Variants in LIG1 observed in about 807,000 individuals in gnomAD.
LIG1 encodes the protein ligase I, DNA, ATP-dependent.
In LIG1, 70 loss-of-function variants were observed where a neutral mutation model predicts 115.7. The ratio of observed to expected loss-of-function variants is 0.60; its 90% confidence interval spans 0.50 to 0.74. The LOEUF is 0.74. Among genes scored for constraint, LIG1 ranks in the 30% least tolerant of loss-of-function variants. The probability of loss-of-function intolerance (pLI) is 0.00; values close to 1 mark genes in which losing one functional copy is unlikely to be tolerated. For missense variants in LIG1, 1,115 were observed against 1,225.6 expected, an observed-to-expected ratio of 0.91 and a Z score of 1.35; for synonymous variants, 487 against 495.3, an observed-to-expected ratio of 0.98 and a Z score of 0.22.
At chr19:48,134,568 G>T (rs544505423) in intron 16 of LIG1, among the ~76,000 whole-genome samples, 1 of 152,376 alleles carries the variant, frequency 6.6e-6, no homozygotes, top group East Asian at 1.9e-4. Flanking sequence ...TGAGGCAGGA[G>T]AATCACTTGA....
At chr19:48,116,009 C>T (rs745577016) in intron 26 of LIG1, 44 bp from the exon 27 acceptor site, 2 of 1,466,200 alleles carry the variant, frequency 1.4e-6, no homozygotes, top group South Asian at 2.3e-5. Flanking sequence ...GCCCCAGCGA[C>T]CCCCTGCTCA....
At chr19:48,149,726 T>G in intron 9 of LIG1, 37 bp downstream of exon 9, 11 of 1,556,578 alleles carry the variant, frequency 7.1e-6, no homozygotes, top group Non-Finnish European at 9.8e-6. Flanking sequence ...AGGGAACACA[T>G]CCCGAAGAAC....
intron 4 of LIG1, among the ~76,000 whole-genome samples, chr19:48,160,844 T>C (rs2036130422): frequency 6.6e-6 from 1 of 152,042 alleles, no homozygotes; most frequent in Non-Finnish European, 1.5e-5. Context: ...GCGATCCTCC[T>C]GCCTCAGCCT....
intron 4 of LIG1, among the ~76,000 whole-genome samples, chr19:48,157,987 T>C (rs932552926): frequency 1.3e-5 from 2 of 152,150 alleles, no homozygotes; most frequent in African/African-American, 2.4e-5. Flanking sequence ...CTCCTTGTGG[T>C]AGGAACCGAG....
chr19:48,119,831 C>A lies in LIG1; in HGVS notation c.2386-641G>T, dbSNP rs146973461. Among the ~76,000 whole-genome samples the A allele has an allele frequency of 3.0e-3, 460 of 152,310 alleles. 6 individuals are homozygous for A. The highest frequency in any genetic ancestry group is 0.01 in the African/African-American group (431 of 41,568). ...GTGCTGGGATTACAGGCGTGAGTGG[C>A]CATGCCCAGCCCATCTCCAATGTTA... On this transcript the variant is annotated intron_variant, in intron 24 of 27. Coordinates refer to ENST00000263274, the MANE Select transcript of LIG1 (RefSeq NM_000234.3).
rs992840101 is a variant in LIG1, at chr19:48,127,713, T to C, written c.1932+197A>G. ...CAACAGAGATGCCCGAAAAGGGCCC[T>C]TCCCCTCTTCCTACTTGGGATGCTG... On this transcript the variant is annotated intron_variant, in intron 20 of 27. Coordinates refer to ENST00000263274, the MANE Select transcript of LIG1 (RefSeq NM_000234.3). 6 of 683,430 alleles carry C rather than the reference T, an allele frequency of 8.8e-6. No homozygotes were observed. The African/African-American group carries it at 1.1e-4, about 12-fold the overall frequency. The allele number at this position is 683,430 out of a possible 1,614,324, so 42.3% of individuals were successfully genotyped here. A position where few individuals can be genotyped will look rare whatever the true frequency, so the allele number is the denominator to read the frequency against.
intron 1 of LIG1, among the ~76,000 whole-genome samples, chr19:48,166,744 G>A (rs2036503172): frequency 6.6e-6 from 1 of 152,070 alleles, no homozygotes; most frequent in African/African-American, 2.4e-5. Flanking sequence ...GCCGAAGCGG[G>A]TGGATCGCCT....
intron 6 of LIG1, among the ~76,000 whole-genome samples, chr19:48,152,274 C>T (rs2035526935): frequency 6.6e-6 from 1 of 152,104 alleles, no homozygotes; most frequent in African/African-American, 2.4e-5. Context: ...AGGCGCATGC[C>T]ACCATACCCA....
intron 20 of LIG1, 42 bp downstream of exon 20, chr19:48,127,868 G>C: frequency 6.6e-7 from 1 of 1,506,110 alleles, no homozygotes; most frequent in Non-Finnish European, 9.2e-7. Flanking sequence ...GGAAGATGAG[G>C]AAGTACGGGG....
intron 4 of LIG1, among the ~76,000 whole-genome samples, chr19:48,160,519 G>T (rs1325513267): frequency 2.0e-5 from 3 of 152,178 alleles, no homozygotes; most frequent in Non-Finnish European, 2.9e-5. Flanking sequence ...GCTTTGGCCT[G>T]TGGTGGTAAT....
intron 26 of LIG1, 26 bp downstream of exon 26, chr19:48,117,612 C>T (rs752755251): frequency 3.7e-6 from 6 of 1,609,652 alleles, no homozygotes; most frequent in Non-Finnish European, 5.1e-6. Context: ...CCACACAGGG[C>T]CACGGCCAGG....
intron 6 of LIG1, among the ~76,000 whole-genome samples, chr19:48,152,324 T>C (rs1360380459): frequency 6.6e-6 from 1 of 152,168 alleles, no homozygotes; most frequent in Non-Finnish European, 1.5e-5. Context: ...GGTTTCACCA[T>C]GTTGGCCAGG....
chr19:48,155,109 C>T (rs1437676765), intron 5 of LIG1, among the ~76,000 whole-genome samples: 1 of 152,144 alleles, frequency 6.6e-6, no homozygotes, highest in Non-Finnish European at 1.5e-5. Context: ...CCTCAGCGTC[C>T]ACCTGGAGCT....
intron 1 of LIG1, among the ~76,000 whole-genome samples, chr19:48,168,311 C>A (rs2036585819): frequency 6.6e-6 from 1 of 152,150 alleles, no homozygotes. Flanking sequence ...TGAGATCATC[C>A]CCACTTTATA....
chr19:48,121,954 C>A (rs182840825), intron 23 of LIG1, among the ~76,000 whole-genome samples: 1 of 152,212 alleles, frequency 6.6e-6, no homozygotes, highest in Non-Finnish European at 1.5e-5. Context: ...TTTTCCCATT[C>A]GTTCAGAAAC....
intron 19 of LIG1, among the ~76,000 whole-genome samples, chr19:48,130,442 G>A (rs527830734): frequency 6.6e-6 from 1 of 152,318 alleles, no homozygotes; most frequent in South Asian, 2.1e-4. Flanking sequence ...CCCAACTCTG[G>A]GGCCTGTGAG....
At position 48,151,224 on chromosome 19, in the gene LIG1, A is replaced by C. The variant is rs369603344; in HGVS notation, c.574+8T>G. On this transcript the variant is annotated splice_region_variant and intron_variant, in intron 7 of 27. Transcript: ENST00000263274. ...GGGGCAGGGCGGAGGAGAGGACCAGAAACTCACTGGAGGTCTTTAGGGGCT... is the reference window on the plus strand; with the variant it reads ...GGGGCAGGGCGGAGGAGAGGACCAGCAACTCACTGGAGGTCTTTAGGGGCT... The C allele has an allele frequency of 5.0e-6, 8 of 1,594,678 alleles. No homozygotes were observed. In the African/African-American group the frequency reaches 1.1e-4, roughly 21 times the overall value.
At chr19:48,166,441 G>T (rs986475232) in intron 1 of LIG1, among the ~76,000 whole-genome samples, 5 of 152,098 alleles carry the variant, frequency 3.3e-5, no homozygotes, top group African/African-American at 4.8e-5. Flanking sequence ...CACATATCTT[G>T]TATATGTACA....
intron 25 of LIG1, 100 bp from the exon 26 acceptor site, chr19:48,117,881 G>T: frequency 7.8e-7 from 1 of 1,278,300 alleles, no homozygotes; most frequent in Admixed American, 2.0e-5. Context: ...AAAAAAACAG[G>T]CACCCCCTTG....
Sources: allele counts gnomAD v4.1 joint callset (sites outside exome capture counted in the v4.1 genomes callset), GRCh38; gene constraint gnomAD v4.1.1; transcripts MANE v1.5; gene names NCBI Gene and HGNC (gene_info 2026-07-23, HGNC 2026-07-21).